The following NGRN variants were observed in gnomAD, a reference collection of about 807,000 sequenced individuals.
The protein encoded by NGRN is neugrin.
In NGRN, 12 loss-of-function variants were observed where a neutral mutation model predicts 13.1. The observed-to-expected ratio is 0.92, with a 90% confidence interval of 0.59 to 1.49. The LOEUF (loss-of-function observed/expected upper bound fraction) is 1.49, where lower values mean the gene tolerates loss of function less well. Among genes scored for constraint, NGRN ranks in the 40% most tolerant of loss-of-function variants. The pLI is 0.00. For synonymous variants in NGRN, 149 were observed against 145.8 expected (o/e 1.02, Z -0.16); for missense variants, 397 against 357.0 (o/e 1.11, Z -0.90).
In NGRN at chr15:90,271,528, A is replaced by G; in HGVS notation, c.616A>G (p.Arg206Gly). The G allele has an allele frequency of 6.2e-7, 1 of 1,614,114 alleles. No homozygotes were observed. Among genetic ancestry groups the G allele is most frequent in the Non-Finnish European group, 8.5e-7 (1 of 1,180,034 alleles). The change falls in exon 3 of 3, where the codon AGA becomes GGA. Residue 206 changes from arginine to glycine, a missense_variant. By Grantham distance (125) the Arg-to-Gly change is moderately radical. Transcript: ENST00000379095. ...CACTCACAGGACAAATACACCAAGG[A>G]GAAGGAAGGGAAGAAATAAAGAAAT... is the stretch of plus-strand genomic sequence containing the variant. ...SDTHRTNTPRRRKGRNKEIQD... is the reference protein window; with the variant it reads ...SDTHRTNTPRGRKGRNKEIQD...
At chr15:90,269,844 A>G (rs1963479883) in intron 2 of NGRN, among the ~76,000 whole-genome samples, 1 of 152,196 alleles carries the variant, frequency 6.6e-6, no homozygotes, top group Non-Finnish European at 1.5e-5. Flanking sequence ...TACCCAAGCT[A>G]AAATCCTGCA....
Position 90,271,564 on chromosome 15 carries a change from G to T in NGRN, c.652G>T (p.Glu218Ter), listed in dbSNP as rs1567083600. 1 of 1,614,142 alleles carries T rather than the reference G, an allele frequency of 6.2e-7. No homozygotes were observed. Among genetic ancestry groups the T allele is most frequent in the Non-Finnish European group, 8.5e-7 (1 of 1,180,030 alleles). The change falls in exon 3 of 3, where the codon GAG (glutamate) becomes TAG (stop). Residue 218 changes from glutamate (E) to a stop codon, truncating the protein, a stop_gained. Coordinates refer to ENST00000379095, the MANE Select transcript of NGRN (RefSeq NM_001033088.3). LOFTEE classifies it low-confidence loss of function (END_TRUNC). ...KGRNKEIQDL[E>*]ESFVPVAAPL... Reference sequence around the variant, plus strand: ...AAGAAATAAAGAAATCCAGGACCTGGAGGAGAGCTTTGTGCCTGTTGCTGC... The same window carrying T: ...AAGAAATAAAGAAATCCAGGACCTGTAGGAGAGCTTTGTGCCTGTTGCTGC...
intron 2 of NGRN, among the ~76,000 whole-genome samples, chr15:90,267,625 G>A (rs959253404): frequency 1.3e-5 from 2 of 152,116 alleles, no homozygotes; most frequent in Non-Finnish European, 2.9e-5. Flanking sequence ...AGAGGCGTAA[G>A]CCACCATGCC....
intron 2 of NGRN, among the ~76,000 whole-genome samples, chr15:90,266,960 G>T (rs1963433521): frequency 6.6e-6 from 1 of 151,578 alleles, no homozygotes; most frequent in East Asian, 1.9e-4. Flanking sequence ...ATTACATATG[G>T]CTCAACCTAA....
chr15:90,266,355 G>GCC lies in NGRN; in HGVS notation c.235_236dup (p.Pro80ArgfsTer5). 4 of 1,613,942 alleles carry GCC rather than the reference G, an allele frequency of 2.5e-6. No homozygotes were observed. Among genetic ancestry groups the GCC allele is most frequent in the Non-Finnish European group, 3.4e-6 (4 of 1,179,948 alleles). On this transcript the variant is annotated frameshift_variant, in exon 2 of 3. Transcript: ENST00000379095. LOFTEE classifies it low-confidence loss of function (END_TRUNC). ...TCGGAGGCAAATGGAGGCGCCTGGT[G>GCC]CCCCGCCCAGGACCCTGACGTGGGA... is the stretch of plus-strand genomic sequence containing the variant.
In NGRN at chr15:90,271,802, T is replaced by C. The variant is rs1271118230; in HGVS notation, c.*14T>C. 1 of 1,610,582 alleles carries C rather than the reference T, an allele frequency of 6.2e-7. No individual in the cohort carries two copies. Among genetic ancestry groups the C allele is most frequent in the East Asian group, 2.2e-5 (1 of 44,832 alleles). On this transcript the variant is annotated 3_prime_UTR_variant, in exon 3 of 3. Coordinates refer to ENST00000379095, the MANE Select transcript of NGRN (RefSeq NM_001033088.3). ...TACAGAATTTGAGTCGGGGCTTGGC[T>C]TATGGAGATGCCTCGTGAAACACAG...
Position 90,265,723 on chromosome 15 carries a change from C to G in NGRN, c.11C>G (p.Thr4Ser), listed in dbSNP as rs551189635. MAVTLSLLLGGRVC... is the reference protein window; with the variant it reads MAVSLSLLLGGRVC... Reference sequence around the variant, plus strand: ...CTGGTTTGCGTCGACATGGCGGTTACCCTGAGTCTCTTGCTGGGCGGGCGC... The same window carrying G: ...CTGGTTTGCGTCGACATGGCGGTTAGCCTGAGTCTCTTGCTGGGCGGGCGC... Residue 4 changes from threonine (T) to serine (S), a missense_variant, in exon 1 of 3, where the codon ACC becomes AGC. Coordinates refer to ENST00000379095, the MANE Select transcript of NGRN (RefSeq NM_001033088.3). The G allele has an allele frequency of 1.2e-5, 20 of 1,613,340 alleles. No homozygotes were observed. In the South Asian group the frequency reaches 1.9e-4, roughly 15 times the overall value.
At chr15:90,266,033 T>A in intron 1 of NGRN, 157 bp downstream of exon 1, 2 of 1,391,868 alleles carry the variant, frequency 1.4e-6, no homozygotes, top group Non-Finnish European at 1.8e-6. Flanking sequence ...GGTGTTCAGC[T>A]CCCCTGGGAC....
At chr15:90,269,014 T>G (rs1194634034) in intron 2 of NGRN, among the ~76,000 whole-genome samples, 6 of 139,266 alleles carry the variant, frequency 4.3e-5, no homozygotes, top group Admixed American at 2.2e-4. Context: ...TTTTTTTTTT[T>G]GAGACGGAGT....
chr15:90,266,039 G>C (rs947718610), intron 1 of NGRN, 163 bp downstream of exon 1: 2 of 1,322,422 alleles, frequency 1.5e-6, no homozygotes, highest in Non-Finnish European at 1.9e-6. Flanking sequence ...CAGCTCCCCT[G>C]GGACCACTGG....
rs961589602 is a variant in NGRN at position 90,271,377 on chromosome 15, C to T, written c.465C>T (p.Gly155=). The change falls in exon 3 of 3, where the codon GGC becomes GGT. Residue 155 remains glycine (G), a synonymous_variant. Transcript: ENST00000379095. ...GLAHSLQHLR[G]SGNTSKLLPA... is the part of the protein sequence containing the mutation. ...CCCACTCGCTGCAGCACCTCCGGGG[C>T]TCTGGAAATACCTCAAAGCTGCTCC... The T allele has an allele frequency of 7.4e-6, 12 of 1,613,918 alleles. No individual in the cohort carries two copies. In the East Asian group the frequency reaches 2.0e-4, roughly 27 times the overall value.
rs917922007 is a variant in NGRN at position 90,265,924 on chromosome 15, C to G, written c.164+48C>G. ...TCAGCTTGAAGCAGGGCCTCGTGCC[C>G]CGGCGCTCCAGGCCGCGCCCCCTTG... On this transcript the variant is annotated intron_variant, in intron 1 of 2. Coordinates refer to ENST00000379095, the MANE Select transcript of NGRN (RefSeq NM_001033088.3). The G allele has an allele frequency of 4.2e-6, 6 of 1,442,040 alleles. No individual in the cohort carries two copies. The Admixed American group carries it at 1.5e-4, about 36-fold the overall frequency. The allele number at this position is 1,442,040 out of a possible 1,614,324, so 89.3% of individuals were successfully genotyped here.
At position 90,271,921 on chromosome 15, in the gene NGRN, G is replaced by A; in HGVS notation, c.*133G>A. The A allele has an allele frequency of 7.8e-7, 1 of 1,278,628 alleles. No homozygotes were observed. Among genetic ancestry groups the A allele is most frequent in the Non-Finnish European group, 1.1e-6 (1 of 933,714 alleles). The allele number at this position is 1,278,628 out of a possible 1,614,324, so 79.2% of individuals were successfully genotyped here. On this transcript the variant is annotated 3_prime_UTR_variant, in exon 3 of 3. Coordinates refer to ENST00000379095, the MANE Select transcript of NGRN (RefSeq NM_001033088.3). ...AAGAGGTGTTGAGCCTGGACTGTGG[G>A]AGGAAAGAGCTGCGTGGATAGATTC...
rs768207296 is a variant in NGRN at position 90,271,747 on chromosome 15, G to C, written c.835G>C (p.Glu279Gln). ...FSSKVVQRGR[E>Q]FFDSNGNFLY... Reference sequence around the variant, plus strand: ...CAGCAAAGTAGTGCAGAGGGGCCGAGAGTTCTTTGACAGCAACGGGAACTT... The same window carrying C: ...CAGCAAAGTAGTGCAGAGGGGCCGACAGTTCTTTGACAGCAACGGGAACTT... The change falls in exon 3 of 3, where the codon GAG (glutamate) becomes CAG (glutamine). Residue 279 changes from glutamate (E) to glutamine (Q), a missense_variant. Coordinates refer to ENST00000379095, the MANE Select transcript of NGRN (RefSeq NM_001033088.3). 3.7e-5 allele frequency: 60 copies of C among 1,614,072 alleles called. No homozygotes were observed. In the Admixed American group the frequency reaches 1.0e-3, roughly 27 times the overall value.
At chr15:90,268,821 G>A (rs1033646463) in intron 2 of NGRN, among the ~76,000 whole-genome samples, 1 of 150,814 alleles carries the variant, frequency 6.6e-6, no homozygotes, top group Non-Finnish European at 1.5e-5. Context: ...ATAAAGACAG[G>A]ATTTTGCCAT....
chr15:90,268,942 T>TCCC (rs1465949097), intron 2 of NGRN, among the ~76,000 whole-genome samples: 24 of 5,298 alleles, frequency 4.5e-3, no homozygotes, highest in African/African-American at 8.4e-3. Context: ...AACTGCTTTC[T>TCCC]CCCACCCCCC....
chr15:90,266,465 C>T (rs1470208358), intron 2 of NGRN, 67 bp downstream of exon 2: 3 of 1,307,662 alleles, frequency 2.3e-6, no homozygotes, highest in Non-Finnish European at 3.2e-6. Flanking sequence ...AGCCCAGAAA[C>T]GGGTTTGGCT....
intron 2 of NGRN, among the ~76,000 whole-genome samples, chr15:90,270,261 C>T (rs1288568440): frequency 6.6e-6 from 1 of 152,130 alleles, no homozygotes; most frequent in African/African-American, 2.4e-5. Context: ...CTTGCTGTTG[C>T]CTTGGGATAA....
Position 90,271,384 on chromosome 15 carries a change from A to T in NGRN, c.472A>T (p.Asn158Tyr). Residue 158 changes from asparagine (N) to tyrosine (Y), a missense_variant, in exon 3 of 3, where the codon AAT (asparagine) becomes TAT (tyrosine). Asn to Tyr is a moderately radical substitution (Grantham distance 143). Transcript: ENST00000379095. ...GCTGCAGCACCTCCGGGGCTCTGGA[A>T]ATACCTCAAAGCTGCTCCCTGCAGG... is the stretch of plus-strand genomic sequence containing the variant. ...HSLQHLRGSG[N>Y]TSKLLPAGHS... 1 of 1,614,064 alleles carries T rather than the reference A, an allele frequency of 6.2e-7. No individual in the cohort carries two copies. The highest frequency in any genetic ancestry group is 8.5e-7 in the Non-Finnish European group (1 of 1,180,016).
Sources: gnomAD v4.1 joint callset for allele counts (sites outside exome capture counted in the v4.1 genomes callset) on GRCh38, gnomAD v4.1.1 for gene constraint, MANE v1.5 for transcripts, NCBI Gene and HGNC (gene_info 2026-07-23, HGNC 2026-07-21) for gene names.